JPH4: variants seen among roughly 807,000 people sequenced by gnomAD.
JPH4 encodes junctophilin-4.
Under a neutral mutation model 57.6 loss-of-function variants are expected in JPH4, and 18 were observed. The ratio of observed to expected loss-of-function variants is 0.31; its 90% confidence interval spans 0.22 to 0.46. The LOEUF is 0.46. Ranked by LOEUF, JPH4 falls within the 20% of genes least tolerant of loss-of-function variation. The pLI is 1.00. For synonymous variants in JPH4, 425 were observed against 406.6 expected (o/e 1.05, Z -0.54); for missense variants, 727 against 911.1 (o/e 0.80, Z 2.60).
Position 23,576,605 on chromosome 14 carries a change from G to A in JPH4, c.380-149C>T. 2 of 626,414 alleles carry A rather than the reference G, an allele frequency of 3.2e-6. No individual in the cohort carries two copies. Among genetic ancestry groups the A allele is most frequent in the Non-Finnish European group, 2.4e-6 (1 of 421,222 alleles). The allele number at this position is 626,414 out of a possible 1,614,324, so 38.8% of individuals were successfully genotyped here. A position where few individuals can be genotyped will look rare whatever the true frequency, so the allele number is the denominator to read the frequency against. On this transcript the variant is annotated intron_variant, in intron 2 of 5. Transcript: ENST00000356300. The surrounding 1 kb of genome is among the most constrained non-coding windows in gnomAD (Gnocchi z 8.0). The stretch of plus-strand genomic sequence containing the variant: ...AGGTCGGGGAAGGGCACTGGGAGCC[G>A]GGAACAGGCCAGGCTGGGCCGGAAA...
chr14:23,570,466 G>A (rs1889096530), intron 5 of JPH4, among the ~76,000 whole-genome samples: 1 of 151,388 alleles, frequency 6.6e-6, no homozygotes, highest in Non-Finnish European at 1.5e-5. Flanking sequence ...CCGCCTCCCG[G>A]GTTCACGCCA....
chr14:23,573,764 T>C (rs1889205924), intron 3 of JPH4, among the ~76,000 whole-genome samples: 2 of 152,146 alleles, frequency 1.3e-5, no homozygotes, highest in South Asian at 4.1e-4. Flanking sequence ...TTCCTGCACA[T>C]GTCTCCACCC....
Position 23,571,863 on chromosome 14 carries a change from C to T in JPH4, c.1209G>A (p.Val403=). ...TCAGTTTGGCCATTCGAGCTGCCTC[C>T]ACGGCCTTCTCAGCGACACTGCTGG... ...VAASSVAEKA[V]EAARMAKLIA... is the part of the protein sequence containing the mutation. Residue 403 remains valine, a synonymous_variant, in exon 4 of 6, where the codon GTG becomes GTA. Coordinates refer to ENST00000356300, the MANE Select transcript of JPH4 (RefSeq NM_001146028.2). The surrounding 1 kb of genome is among the most constrained non-coding windows in gnomAD (Gnocchi z 4.6). 1.2e-6 allele frequency: 2 copies of T among 1,613,084 alleles called. No homozygotes were observed. The highest frequency in any genetic ancestry group is 2.2e-5 in the South Asian group (2 of 91,088).
Position 23,569,482 on chromosome 14 carries a change from C to G in JPH4, c.*152G>C. The G allele has an allele frequency of 1.5e-6, 1 of 656,500 alleles. No homozygotes were observed. The highest frequency in any genetic ancestry group is 2.7e-6 in the Non-Finnish European group (1 of 365,300). The allele number at this position is 656,500 out of a possible 1,614,324, so 40.7% of individuals were successfully genotyped here. On this transcript the variant is annotated 3_prime_UTR_variant, in exon 6 of 6. Transcript: ENST00000356300. The surrounding 1 kb of genome is among the most constrained non-coding windows in gnomAD (Gnocchi z 4.8). ...TGAAAGAAGACAGGGAAAGAAAAAG[C>G]GAGAGAAAAAAACAAAGGAGCACAG...
chr14:23,573,577 G>A (rs886165030), intron 3 of JPH4, among the ~76,000 whole-genome samples: 7 of 152,192 alleles, frequency 4.6e-5, no homozygotes, highest in Non-Finnish European at 1.0e-4. Flanking sequence ...AGTAGACTTA[G>A]TCTGTGCTCA....
At position 23,576,944 on chromosome 14, in the gene JPH4, G is replaced by T. The variant is rs1310651529; in HGVS notation, c.379+131C>A. On this transcript the variant is annotated intron_variant, in intron 2 of 5. Coordinates refer to ENST00000356300, the MANE Select transcript of JPH4 (RefSeq NM_001146028.2). The surrounding 1 kb of genome is among the most constrained non-coding windows in gnomAD (Gnocchi z 8.0). ...AGAGAGCAGAAATTGGGGGCTGGGG[G>T]TCACATCGATGGGGAATGGTGGCGG... 10 of 1,098,718 alleles carry T rather than the reference G, an allele frequency of 9.1e-6. No individual in the cohort carries two copies. Among genetic ancestry groups the T allele is most frequent in the South Asian group, 1.8e-5 (1 of 54,820 alleles). The allele number at this position is 1,098,718 out of a possible 1,614,324, so 68.1% of individuals were successfully genotyped here.
Position 23,575,292 on chromosome 14 carries a change from TG to T in JPH4, c.1151+392del, listed in dbSNP as rs1889245102. ...GGGTTGATGCTCCCAGCCTGAGGCC[TG>T]GAGGCTGGATCAGCTGCAAGAGGAG... On this transcript the variant is annotated intron_variant, in intron 3 of 5. Coordinates refer to ENST00000356300, the MANE Select transcript of JPH4 (RefSeq NM_001146028.2). The surrounding 1 kb of genome is among the most constrained non-coding windows in gnomAD (Gnocchi z 6.9). 5 of 275,518 alleles carry T rather than the reference TG, an allele frequency of 1.8e-5. No individual in the cohort carries two copies. The highest frequency in any genetic ancestry group is 2.8e-5 in the Non-Finnish European group (4 of 143,330). The allele number at this position is 275,518 out of a possible 1,614,324, so 17.1% of individuals were successfully genotyped here. A position where few individuals can be genotyped will look rare whatever the true frequency, so the allele number is the denominator to read the frequency against.
At position 23,576,949 on chromosome 14, in the gene JPH4, A is replaced by G. The variant is rs921935389; in HGVS notation, c.379+126T>C. The G allele has an allele frequency of 8.5e-7, 1 of 1,176,352 alleles. No individual in the cohort carries two copies. Among genetic ancestry groups the G allele is most frequent in the Non-Finnish European group, 1.1e-6 (1 of 879,548 alleles). The allele number at this position is 1,176,352 out of a possible 1,614,324, so 72.9% of individuals were successfully genotyped here. ...GCAGAAATTGGGGGCTGGGGGTCAC[A>G]TCGATGGGGAATGGTGGCGGGGGAA... On this transcript the variant is annotated intron_variant, in intron 2 of 5. Transcript: ENST00000356300. The surrounding 1 kb of genome is among the most constrained non-coding windows in gnomAD (Gnocchi z 8.0).
At chr14:23,574,300 G>A (rs1160915429) in intron 3 of JPH4, among the ~76,000 whole-genome samples, 4 of 151,664 alleles carry the variant, frequency 2.6e-5, no homozygotes, top group Admixed American at 1.3e-4. Context: ...TCAGCCTCCC[G>A]AGTAGCTGGG....
In JPH4 at chr14:23,571,009, G is replaced by A; in HGVS notation, c.1722C>T (p.Gly574=). The change falls in exon 5 of 6, where the codon GGC becomes GGT. Residue 574 remains glycine (G), a synonymous_variant. Coordinates refer to ENST00000356300, the MANE Select transcript of JPH4 (RefSeq NM_001146028.2). This position sits in a 1 kb window ranked among gnomAD's most constrained non-coding sequence, Gnocchi z 4.6. ...PEPIAMLVLR[G]SSSRGPDAGC... is the part of the protein sequence containing the mutation. The stretch of plus-strand genomic sequence containing the variant: ...CAGCATCAGGACCCCTCGAGGACGA[G>A]CCCCTCAGGACCAGCATGGCGATGG... 1 of 1,566,104 alleles carries A rather than the reference G, an allele frequency of 6.4e-7. No homozygotes were observed. Among genetic ancestry groups the A allele is most frequent in the Non-Finnish European group, 8.7e-7 (1 of 1,154,784 alleles).
At chr14:23,570,521 G>T (rs1054453837) in intron 5 of JPH4, among the ~76,000 whole-genome samples, 1 of 151,964 alleles carries the variant, frequency 6.6e-6, no homozygotes, top group Admixed American at 6.6e-5. Context: ...ACAGGCGCCC[G>T]CCACCACGCC....
Position 23,568,316 on chromosome 14 carries a change from T to G in JPH4, c.*1318A>C, listed in dbSNP as rs1888878147. ...GGTTGGCAGGCAGCTTGCCTCTGCC[T>G]CATGCAGGGGAGGGAGGAAAGATCC... is the stretch of plus-strand genomic sequence containing the variant. On this transcript the variant is annotated 3_prime_UTR_variant, in exon 6 of 6. Coordinates refer to ENST00000356300, the MANE Select transcript of JPH4 (RefSeq NM_001146028.2). 7.1e-6 allele frequency: 7 copies of G among 985,728 alleles called. No individual in the cohort carries two copies. The highest frequency in any genetic ancestry group is 1.7e-5 in the African/African-American group (1 of 57,224). The allele number at this position is 985,728 out of a possible 1,614,324, so 61.1% of individuals were successfully genotyped here. A position where few individuals can be genotyped will look rare whatever the true frequency, so the allele number is the denominator to read the frequency against.
In JPH4 at chr14:23,571,957, C is replaced by T. The variant is rs369732234; in HGVS notation, c.1152-37G>A. ...AGAGACAGGGATTTAGCAGAACTTC[C>T]CCCACTTCAAGTTAGTCCCTGCTCA... On this transcript the variant is annotated intron_variant, in intron 3 of 5. Coordinates refer to ENST00000356300, the MANE Select transcript of JPH4 (RefSeq NM_001146028.2). The surrounding 1 kb of genome is among the most constrained non-coding windows in gnomAD (Gnocchi z 4.6). 13 of 1,585,508 alleles carry T rather than the reference C, an allele frequency of 8.2e-6. No individual in the cohort carries two copies. The East Asian group carries it at 1.6e-4, about 19-fold the overall frequency.
Position 23,578,363 on chromosome 14 carries a change from G to C in JPH4, c.-355C>G, listed in dbSNP as rs1342714888. ...CCCAGCTGGAGGAGCAGGCTGGGTG[G>C]GGGGGCGAGGTAGTGGCAAGGGTGG... is the stretch of plus-strand genomic sequence containing the variant. On this transcript the variant is annotated 5_prime_UTR_variant, in exon 1 of 6. Transcript: ENST00000356300. 2 of 152,060 alleles carry C rather than the reference G, an allele frequency of 1.3e-5. No homozygotes were observed. The highest frequency in any genetic ancestry group is 2.1e-4 in the South Asian group (1 of 4,816). The allele number at this position is 152,060 out of a possible 1,614,324, so 9.4% of individuals were successfully genotyped here.
In JPH4 at chr14:23,575,945, G is replaced by A; in HGVS notation, c.891C>T (p.Ser297=). Reference sequence around the variant, plus strand: ...CGTAGCGCAGCCCGTTGGAGCGCTGGCTGACGCCGAAGCCGCTGCGCCGAT... The same window carrying A: ...CGTAGCGCAGCCCGTTGGAGCGCTGACTGACGCCGAAGCCGCTGCGCCGAT... ...RADRRSGFGV[S]QRSNGLRYEG... Residue 297 remains serine, a synonymous_variant, in exon 3 of 6, where the codon AGC becomes AGT. Transcript: ENST00000356300. The surrounding 1 kb of genome is among the most constrained non-coding windows in gnomAD (Gnocchi z 6.9). The A allele has an allele frequency of 6.5e-7, 1 of 1,547,566 alleles. No individual in the cohort carries two copies. Among genetic ancestry groups the A allele is most frequent in the Non-Finnish European group, 8.7e-7 (1 of 1,155,652 alleles).
In JPH4 at chr14:23,568,726, C is replaced by A. The variant is rs1000310383; in HGVS notation, c.*908G>T. ...TTGCTCAAGTGCCTCTAACCCTCTG[C>A]AGTAGAAATGTCTTCTTCAGGCCCC... On this transcript the variant is annotated 3_prime_UTR_variant, in exon 6 of 6. Transcript: ENST00000356300. 1 of 985,808 alleles carries A rather than the reference C, an allele frequency of 1.0e-6. No individual in the cohort carries two copies. The highest frequency in any genetic ancestry group is 6.1e-5 in the Admixed American group (1 of 16,264). 61.1% of individuals were successfully genotyped at this position (985,808 alleles called of 1,614,324 possible). A position where few individuals can be genotyped will look rare whatever the true frequency, so the allele number is the denominator to read the frequency against.
chr14:23,577,066 G>A lies in JPH4; in HGVS notation c.379+9C>T, dbSNP rs1595396484. ...GAGCAGACAGACACTGGTGGGCCGG[G>A]CCCCGCACCTCCGTCGGAGTAGGTC... is the stretch of plus-strand genomic sequence containing the variant. On this transcript the variant is annotated intron_variant, in intron 2 of 5. Coordinates refer to ENST00000356300, the MANE Select transcript of JPH4 (RefSeq NM_001146028.2). This position sits in a 1 kb window ranked among gnomAD's most constrained non-coding sequence, Gnocchi z 8.4. 2 of 1,514,898 alleles carry A rather than the reference G, an allele frequency of 1.3e-6. No homozygotes were observed. The highest frequency in any genetic ancestry group is 1.3e-5 in the South Asian group (1 of 79,304). 93.8% of individuals were successfully genotyped at this position (1,514,898 alleles called of 1,614,324 possible). A position where few individuals can be genotyped will look rare whatever the true frequency, so the allele number is the denominator to read the frequency against.
In JPH4 at chr14:23,571,180, C is replaced by T; in HGVS notation, c.1551G>A (p.Glu517=). ...EELAGYEAED[E]AGMQGPGPRD... ...TGGGCCCTGGCCCTTGCATCCCAGC[C>T]TCATCCTCAGCCTCATAGCCAGCTA... The change falls in exon 5 of 6, where the codon GAG becomes GAA. Residue 517 remains glutamate (E), a synonymous_variant. Transcript: ENST00000356300. The surrounding 1 kb of genome is among the most constrained non-coding windows in gnomAD (Gnocchi z 4.6). 6.2e-7 allele frequency: 1 copy of T among 1,614,130 alleles called. No homozygotes were observed. The highest frequency in any genetic ancestry group is 8.5e-7 in the Non-Finnish European group (1 of 1,179,996).
rs886449751 is a variant in JPH4, at chr14:23,576,195, G to A, written c.641C>T (p.Ala214Val). Reference protein sequence around the residue: ...DGASSRKRTPAAGGFFRRSLL... With the variant: ...DGASSRKRTPVAGGFFRRSLL... The stretch of plus-strand genomic sequence containing the variant: ...CGAACGGCGAAAGAATCCGCCGGCC[G>A]CCGGAGTGCGCTTTCGGGACGACGC... Residue 214 changes from alanine (A) to valine (V), a missense_variant, in exon 3 of 6, where the codon GCG becomes GTG. By Grantham distance (64) the Ala-to-Val change is moderately conservative. This residue lies in a region of JPH4 where 131 missense variants were observed against 156.5 expected (regional missense o/e 0.84). Coordinates refer to ENST00000356300, the MANE Select transcript of JPH4 (RefSeq NM_001146028.2). The surrounding 1 kb of genome is among the most constrained non-coding windows in gnomAD (Gnocchi z 8.0). 37 of 1,288,292 alleles carry A rather than the reference G, an allele frequency of 2.9e-5. No homozygotes were observed. The South Asian group carries it at 2.9e-4, about 10-fold the overall frequency. The allele number at this position is 1,288,292 out of a possible 1,614,324, so 79.8% of individuals were successfully genotyped here.
Sources: allele counts gnomAD v4.1 joint callset (sites outside exome capture counted in the v4.1 genomes callset), GRCh38; gene constraint gnomAD v4.1.1; regional missense constraint gnomAD v4.1.1; non-coding constraint Gnocchi (gnomAD v3.1); transcripts MANE v1.5; gene names NCBI Gene and HGNC (gene_info 2026-07-23, HGNC 2026-07-21).